Variants in PRDM1 observed in about 807,000 individuals in gnomAD.
PRDM1 encodes PR/SET domain 1, also known as PR domain zinc finger protein 1.
A neutral mutation model predicts 62.8 loss-of-function variants in PRDM1; 13 were observed. The ratio of observed to expected loss-of-function variants is 0.21; its 90% CI spans 0.13 to 0.33. PRDM1 has a LOEUF of 0.33. PRDM1 is among the 10% of genes least tolerant of loss of function. The pLI is 1.00. For synonymous variants in PRDM1, 396 were observed against 417.6 expected (o/e 0.95, Z 0.63); for missense variants, 895 against 1,058.8 (o/e 0.85, Z 2.15).
chr6:106,108,417 T>C lies in PRDM1; in HGVS notation c.*931T>C, dbSNP rs1260892949. ...AAATGTGAAGAAGAAAAAAATGCCA[T>C]GTTTTAAAACCACTGCGAAAATTTC... On this transcript the variant is annotated 3_prime_UTR_variant, in exon 7 of 7. Coordinates refer to ENST00000369096, the MANE Select transcript of PRDM1 (RefSeq NM_001198.4). 1 of 233,240 alleles carries C rather than the reference T, an allele frequency of 4.3e-6. No homozygotes were observed. Among genetic ancestry groups the C allele is most frequent in the Non-Finnish European group, 8.5e-6 (1 of 117,944 alleles). The allele number at this position is 233,240 out of a possible 1,614,324, so 14.4% of individuals were successfully genotyped here.
At chr6:106,013,257 T>C (rs1369376304) in intron 1 of PRDM1, among the ~76,000 whole-genome samples, 2 of 152,004 alleles carry the variant, frequency 1.3e-5, no homozygotes, top group African/African-American at 2.4e-5. Context: ...AAAACAGAAA[T>C]TTTGTACAGG....
At chr6:106,037,372 AG>A (rs1361975422) in intron 1 of PRDM1, among the ~76,000 whole-genome samples, 4 of 152,202 alleles carry the variant, frequency 2.6e-5, no homozygotes, top group Admixed American at 2.6e-4. Flanking sequence ...TGAATTTCTT[AG>A]ATGTTTATAT....
chr6:106,036,175 G>T (rs1051663477), intron 1 of PRDM1, among the ~76,000 whole-genome samples: 4 of 152,044 alleles, frequency 2.6e-5, no homozygotes, highest in African/African-American at 9.7e-5. Context: ...GTGAGACAGA[G>T]CCTAAGTCTG....
chr6:106,084,924 C>T (rs1773763407), upstream of PRDM1, among the ~76,000 whole-genome samples: 2 of 152,084 alleles, frequency 1.3e-5, no homozygotes, highest in South Asian at 4.1e-4. Flanking sequence ...TTTAATTGTT[C>T]TGTACTGAGA....
rs1323539078 is a variant in PRDM1 at position 106,018,857 on chromosome 6, T to A, written c.-67+25218T>A. On this transcript the variant is annotated intron_variant, in intron 1 of 6. Transcript: ENST00000652320. ...GACCCATTTTTTCCACCTTTTCATA[T>A]GGTATTCTTTGGAAGGAAGTTACTA... 5.3e-5 allele frequency among the ~76,000 whole-genome samples: 8 copies of A among 151,404 alleles called. No homozygotes were observed. The East Asian group carries it at 1.5e-3, about 29-fold the overall frequency.
chr6:106,030,491 T>C (rs2114566588), intron 1 of PRDM1, among the ~76,000 whole-genome samples: 1 of 152,278 alleles, frequency 6.6e-6, no homozygotes, highest in South Asian at 2.1e-4. Flanking sequence ...TTTCTTAATG[T>C]CTTTTCAAAA....
chr6:106,088,161 C>G (rs575902221), intron 1 of PRDM1, 40 bp from the exon 2 acceptor site: 1 of 1,547,852 alleles, frequency 6.5e-7, no homozygotes, highest in Non-Finnish European at 8.7e-7. Context: ...ACAGGAACGG[C>G]GGGACAATGG....
intron 1 of PRDM1, among the ~76,000 whole-genome samples, chr6:106,016,730 C>A (rs1185507077): frequency 6.8e-6 from 1 of 148,054 alleles, no homozygotes; most frequent in Non-Finnish European, 1.5e-5. Flanking sequence ...CTCATTGCAA[C>A]CTCCAGCTCC....
chr6:106,019,840 A>C (rs993541842), intron 1 of PRDM1, among the ~76,000 whole-genome samples: 2 of 149,926 alleles, frequency 1.3e-5, no homozygotes, highest in Non-Finnish European at 3.0e-5. Flanking sequence ...GGGTTTCACC[A>C]TGTTGGTCAA....
At chr6:106,006,515 T>C (rs904438522) in intron 1 of PRDM1, among the ~76,000 whole-genome samples, 2 of 151,878 alleles carry the variant, frequency 1.3e-5, no homozygotes, top group African/African-American at 4.8e-5. Context: ...ATCGTCTCCC[T>C]TTGTATGTAG....
chr6:106,016,085 A>G (rs916145139), intron 1 of PRDM1, among the ~76,000 whole-genome samples: 2 of 152,172 alleles, frequency 1.3e-5, no homozygotes, highest in Non-Finnish European at 2.9e-5. Flanking sequence ...GGCCTTTTGT[A>G]TGTGGCTTAT....
intron 2 of PRDM1, among the ~76,000 whole-genome samples, chr6:106,093,376 C>T (rs1774013023): frequency 6.6e-6 from 1 of 152,198 alleles, no homozygotes; most frequent in East Asian, 1.9e-4. Flanking sequence ...AAGACACCAT[C>T]TGTAAGAGAC....
At chr6:106,049,837 A>C (rs143386865) in intron 1 of PRDM1, among the ~76,000 whole-genome samples, 212 of 152,274 alleles carry the variant, frequency 1.4e-3, no homozygotes, top group African/African-American at 4.9e-3. Flanking sequence ...TTACCTTTAA[A>C]TTAGATTGGT....
upstream of PRDM1, among the ~76,000 whole-genome samples, chr6:106,085,928 T>C (rs1477722318): frequency 6.6e-6 from 1 of 152,050 alleles, no homozygotes; most frequent in African/African-American, 2.4e-5. Flanking sequence ...TTACACTAGC[T>C]GCAAAAACAA....
At chr6:106,099,002 T>C (rs1774190976) in intron 3 of PRDM1, 1 of 1,591,050 alleles carries the variant, frequency 6.3e-7, no homozygotes, top group Admixed American at 1.8e-5. Context: ...GGTGGGTTAA[T>C]CGGTTTGAGG....
At chr6:106,019,663 G>A (rs1192976278) in intron 1 of PRDM1, among the ~76,000 whole-genome samples, 1 of 142,764 alleles carries the variant, frequency 7.0e-6, no homozygotes, top group Non-Finnish European at 1.5e-5. Flanking sequence ...TTGAGATGGA[G>A]TCTTCCTCGA....
chr6:106,090,761 T>C (rs983259330), intron 2 of PRDM1, among the ~76,000 whole-genome samples: 1 of 152,366 alleles, frequency 6.6e-6, no homozygotes, highest in East Asian at 1.9e-4. Context: ...TGCCCTTCTT[T>C]AAATGTTTTC....
intron 1 of PRDM1, among the ~76,000 whole-genome samples, chr6:106,028,529 A>G (rs1772795840): frequency 6.6e-6 from 1 of 152,258 alleles, no homozygotes; most frequent in South Asian, 2.1e-4. Context: ...GTATAGAAAT[A>G]TAGGCATTAA....
intron 2 of PRDM1, among the ~76,000 whole-genome samples, chr6:106,091,029 A>G (rs559392226): frequency 6.6e-6 from 1 of 152,332 alleles, no homozygotes; most frequent in Admixed American, 6.5e-5. Context: ...ATATAGACCT[A>G]CTATTCAAAA....
Sources: gnomAD v4.1 joint callset for allele counts (sites outside exome capture counted in the v4.1 genomes callset) on GRCh38, gnomAD v4.1.1 for gene constraint, MANE v1.5 for transcripts, NCBI Gene and HGNC (gene_info 2026-07-23, HGNC 2026-07-21) for gene names.